The following SPMAP2L variants were observed in gnomAD, a reference collection of about 807,000 sequenced individuals.
SPMAP2L encodes sperm microtubule associated protein 2 like.
At chr4:56,622,886 CT>C in the SPMAP2L span, among the ~76,000 whole-genome samples, 1 of 152,142 alleles carries the variant, frequency 6.6e-6, no homozygotes, top group Non-Finnish European at 1.5e-5. Flanking sequence ...CCCAACTCGG[CT>C]GGTGGAAAAA....
At chr4:56,580,338 A>C in the SPMAP2L span, among the ~76,000 whole-genome samples, 1 of 152,160 alleles carries the variant, frequency 6.6e-6, no homozygotes. Context: ...AAATCAAAGC[A>C]ATACACTAAA....
the SPMAP2L span, chr4:56,575,484 T>C: frequency 6.5e-7 from 1 of 1,533,086 alleles, no homozygotes; most frequent in Non-Finnish European, 8.7e-7. Context: ...GTTTACTTCT[T>C]TTCTCTTCTA....
the SPMAP2L span, among the ~76,000 whole-genome samples, chr4:56,540,751 A>G: frequency 6.6e-6 from 1 of 152,220 alleles, no homozygotes; most frequent in Non-Finnish European, 1.5e-5. Context: ...TAAATGGAAG[A>G]AAAGAAGCAC....
chr4:56,587,151 A>C, the SPMAP2L span, among the ~76,000 whole-genome samples: 1 of 152,068 alleles, frequency 6.6e-6, no homozygotes, highest in Non-Finnish European at 1.5e-5. Context: ...TTTTTTTTAC[A>C]TAGCTGCCCC....
the SPMAP2L span, among the ~76,000 whole-genome samples, chr4:56,534,476 C>T: frequency 6.6e-6 from 1 of 152,190 alleles, no homozygotes; most frequent in Non-Finnish European, 1.5e-5. Flanking sequence ...TCTTCTAGAA[C>T]TTTCCTTATT....
the SPMAP2L span, among the ~76,000 whole-genome samples, chr4:56,546,833 C>T: frequency 5.3e-5 from 8 of 149,774 alleles, no homozygotes; most frequent in Non-Finnish European, 7.5e-5. Flanking sequence ...ATAAGTGCTG[C>T]AACTTTCATG....
chr4:56,535,095 C>T, the SPMAP2L span, among the ~76,000 whole-genome samples: 65 of 152,254 alleles, frequency 4.3e-4, 1 homozygote, highest in East Asian at 0.012. Context: ...TCATTCTTGA[C>T]GCCTGTTTTT....
At chr4:56,614,095 G>A in the SPMAP2L span, among the ~76,000 whole-genome samples, 2 of 152,120 alleles carry the variant, frequency 1.3e-5, no homozygotes, top group African/African-American at 4.8e-5. Flanking sequence ...AAGAATTCGA[G>A]GGGTCCGGTC....
the SPMAP2L span, among the ~76,000 whole-genome samples, chr4:56,540,422 A>AAG: frequency 6.6e-6 from 1 of 152,172 alleles, no homozygotes; most frequent in Admixed American, 6.5e-5. Context: ...GCACGCCTGT[A>AAG]AGCCCAGCTA....
At chr4:56,625,398 C>A in the SPMAP2L span, among the ~76,000 whole-genome samples, 3 of 152,090 alleles carry the variant, frequency 2.0e-5, no homozygotes, top group African/African-American at 7.2e-5. Flanking sequence ...GTTGGGAAGG[C>A]ATGATTGGTT....
At chr4:56,543,041 A>G in the SPMAP2L span, among the ~76,000 whole-genome samples, 1 of 151,702 alleles carries the variant, frequency 6.6e-6, no homozygotes, top group African/African-American at 2.4e-5. Context: ...CTGTACGTGT[A>G]CTTTTACCTT....
the SPMAP2L span, among the ~76,000 whole-genome samples, chr4:56,546,947 C>CT: frequency 3.7e-3 from 561 of 152,162 alleles, 7 homozygotes; most frequent in African/African-American, 0.012. Flanking sequence ...GTTCCATTTA[C>CT]TTTTTTTTGT....
chr4:56,547,246 T>C, the SPMAP2L span, among the ~76,000 whole-genome samples: 5 of 147,424 alleles, frequency 3.4e-5, no homozygotes, highest in Admixed American at 6.8e-5. Context: ...AATTCTCTTT[T>C]TTTTTTTTTT....
At chr4:56,567,442 G>GTTTTTTTTT in the SPMAP2L span, among the ~76,000 whole-genome samples, 2,210 of 65,528 alleles carry the variant, frequency 0.034, 196 homozygotes, top group East Asian at 0.051. Context: ...AATTTTGGTG[G>GTTTTTTTTT]TTTTTTTTTT....
chr4:56,595,051 A>C, the SPMAP2L span: 1 of 1,609,986 alleles, frequency 6.2e-7, no homozygotes, highest in South Asian at 1.1e-5. Flanking sequence ...TCCTGTGGGA[A>C]CCGTCAGTGC....
chr4:56,619,956 A>C, the SPMAP2L span, among the ~76,000 whole-genome samples: 1 of 152,252 alleles, frequency 6.6e-6, no homozygotes, highest in Non-Finnish European at 1.5e-5. Flanking sequence ...GATGGTCTGC[A>C]GGGCTGACTT....
At chr4:56,611,422 G>C in the SPMAP2L span, among the ~76,000 whole-genome samples, 1 of 152,082 alleles carries the variant, frequency 6.6e-6, no homozygotes, top group Non-Finnish European at 1.5e-5. Context: ...TGGGAACTTG[G>C]GGGGAAAGTG....
At chr4:56,571,287 C>CT in the SPMAP2L span, among the ~76,000 whole-genome samples, 17 of 150,068 alleles carry the variant, frequency 1.1e-4, no homozygotes, top group East Asian at 3.9e-4. Context: ...ATAACATAAG[C>CT]TTTTTTTTTC....
chr4:56,593,856 G>A, the SPMAP2L span: 2 of 1,611,514 alleles, frequency 1.2e-6, no homozygotes, highest in Non-Finnish European at 1.7e-6. Flanking sequence ...ATCTACCATG[G>A]TTCCCATGGG....
Sources: allele counts gnomAD v4.1 joint callset (sites outside exome capture counted in the v4.1 genomes callset), GRCh38; gene constraint gnomAD v4.1.1; transcripts MANE v1.5; gene names NCBI Gene and HGNC (gene_info 2026-07-23, HGNC 2026-07-21).